Variants in GUCY1A2 observed in about 807,000 individuals in gnomAD.
The protein encoded by GUCY1A2 is guanylate cyclase soluble subunit alpha-2.
GUCY1A2 carries 27 observed loss-of-function variants against 63.5 expected under a neutral mutation model. That is an observed-to-expected ratio of 0.43 (90% CI 0.31 to 0.59). The LOEUF (loss-of-function observed/expected upper bound fraction) is 0.59. Among genes scored for constraint, GUCY1A2 ranks in the 20% least tolerant of loss-of-function variants. The probability of loss-of-function intolerance (pLI) is 0.11; values close to 1 mark genes in which losing one functional copy is unlikely to be tolerated. For missense variants in GUCY1A2, 768 were observed against 913.3 expected, an observed-to-expected ratio of 0.84 and a Z score of 2.05; for synonymous variants, 364 against 343.5, an observed-to-expected ratio of 1.06 and a Z score of -0.66.
chr11:106,919,585 G>T (rs1860414373), intron 4 of GUCY1A2, among the ~76,000 whole-genome samples: 1 of 151,988 alleles, frequency 6.6e-6, no homozygotes, highest in Non-Finnish European at 1.5e-5. Context: ...GACAATAAAG[G>T]CATGTGGACT....
At chr11:106,808,362 A>G (rs1858720132) in intron 5 of GUCY1A2, among the ~76,000 whole-genome samples, 1 of 152,122 alleles carries the variant, frequency 6.6e-6, no homozygotes, top group Admixed American at 6.6e-5. Flanking sequence ...TTAATAATAT[A>G]TAGGAAAATT....
chr11:106,966,400 G>T (rs1023701169), intron 3 of GUCY1A2, among the ~76,000 whole-genome samples: 2 of 152,010 alleles, frequency 1.3e-5, no homozygotes, highest in African/African-American at 4.8e-5. Flanking sequence ...GAGCCACCGC[G>T]CCCGGCCCCA....
chr11:106,935,976 C>T (rs1347690153), intron 4 of GUCY1A2, among the ~76,000 whole-genome samples: 1 of 151,770 alleles, frequency 6.6e-6, no homozygotes, highest in Non-Finnish European at 1.5e-5. Flanking sequence ...CATTAATTTC[C>T]AATGTATAAA....
intron 1 of GUCY1A2, among the ~76,000 whole-genome samples, chr11:107,008,945 G>A (rs531782179): frequency 2.0e-5 from 3 of 152,304 alleles, no homozygotes; most frequent in Admixed American, 6.5e-5. Context: ...GTAGACTCAC[G>A]CATAACAAAT....
chr11:106,805,608 C>T (rs564108045), intron 5 of GUCY1A2, among the ~76,000 whole-genome samples: 2 of 152,170 alleles, frequency 1.3e-5, no homozygotes, highest in East Asian at 3.9e-4. Context: ...AACTTTTATT[C>T]CACTTCACTG....
At chr11:106,706,298 T>A (rs1862909203) in intron 7 of GUCY1A2, among the ~76,000 whole-genome samples, 1 of 152,158 alleles carries the variant, frequency 6.6e-6, no homozygotes, top group South Asian at 2.1e-4. Context: ...CTTCATAAAT[T>A]ATATTTGTTC....
chr11:106,689,286 G>C (rs933052080), intron 7 of GUCY1A2, among the ~76,000 whole-genome samples: 1 of 151,808 alleles, frequency 6.6e-6, no homozygotes. Flanking sequence ...TTAAAAACTA[G>C]AGCTATAGTA....
intron 4 of GUCY1A2, among the ~76,000 whole-genome samples, chr11:106,885,353 C>T (rs1859884092): frequency 6.6e-6 from 1 of 152,086 alleles, no homozygotes; most frequent in African/African-American, 2.4e-5. Flanking sequence ...ATTAACTGAG[C>T]AGCACCACAC....
intron 5 of GUCY1A2, among the ~76,000 whole-genome samples, chr11:106,785,244 G>T (rs1387331138): frequency 1.3e-5 from 2 of 152,102 alleles, no homozygotes; most frequent in African/African-American, 2.4e-5. Flanking sequence ...AGGAGAAGAT[G>T]CAAAGAGAAA....
chr11:106,740,900 C>G (rs558419950), intron 6 of GUCY1A2, among the ~76,000 whole-genome samples: 1 of 152,012 alleles, frequency 6.6e-6, no homozygotes, highest in Non-Finnish European at 1.5e-5. Context: ...CTCGTACTCC[C>G]AACCTCAGGT....
intron 4 of GUCY1A2, among the ~76,000 whole-genome samples, chr11:106,903,601 T>TC (rs1205938482): frequency 6.6e-6 from 1 of 152,168 alleles, no homozygotes; most frequent in African/African-American, 2.4e-5. Flanking sequence ...GCTATCTGGT[T>TC]TCAAATTGCT....
chr11:106,996,014 G>C (rs1861530133), intron 1 of GUCY1A2, among the ~76,000 whole-genome samples: 1 of 152,090 alleles, frequency 6.6e-6, no homozygotes, highest in South Asian at 2.1e-4. Context: ...ATTTCTGCCT[G>C]ACAGTTAAAT....
chr11:106,780,298 A>G (rs528895718), intron 5 of GUCY1A2, among the ~76,000 whole-genome samples: 1 of 152,330 alleles, frequency 6.6e-6, no homozygotes, highest in Admixed American at 6.5e-5. Flanking sequence ...TGAAATTCTC[A>G]CAATTATTCA....
chr11:106,943,005 C>T (rs1195539733), intron 3 of GUCY1A2, among the ~76,000 whole-genome samples: 2 of 151,936 alleles, frequency 1.3e-5, no homozygotes, highest in African/African-American at 4.8e-5. Flanking sequence ...TCTATATAAA[C>T]CCATAATATT....
At chr11:106,800,371 A>C (rs34281823) in intron 5 of GUCY1A2, among the ~76,000 whole-genome samples, 4,848 of 152,302 alleles carry the variant, frequency 0.032, 257 homozygotes, top group African/African-American at 0.11. Context: ...CATTTGACCC[A>C]GCCATCCCAT....
intron 7 of GUCY1A2, among the ~76,000 whole-genome samples, chr11:106,701,368 C>T (rs989398568): frequency 2.0e-5 from 3 of 152,018 alleles, no homozygotes; most frequent in African/African-American, 7.2e-5. Flanking sequence ...AAATAATATC[C>T]TTCCTTTTTA....
intron 3 of GUCY1A2, among the ~76,000 whole-genome samples, chr11:106,953,729 C>A (rs1208529784): frequency 6.6e-6 from 1 of 152,022 alleles, no homozygotes. Context: ...AGGGATTCAA[C>A]TTCTTCCTGG....
chr11:106,881,591 C>T (rs976363671), intron 4 of GUCY1A2, among the ~76,000 whole-genome samples: 3 of 151,854 alleles, frequency 2.0e-5, no homozygotes, highest in Non-Finnish European at 4.4e-5. Context: ...AAAATGAATA[C>T]CAATTTACCG....
chr11:106,776,977 C>T (rs113893775), intron 5 of GUCY1A2, among the ~76,000 whole-genome samples: 9 of 152,218 alleles, frequency 5.9e-5, no homozygotes, highest in African/African-American at 2.2e-4. Context: ...CCAGTTTTTC[C>T]ACCTGAAGAA....
Sources: allele counts gnomAD v4.1 joint callset (sites outside exome capture counted in the v4.1 genomes callset), GRCh38; gene constraint gnomAD v4.1.1; transcripts MANE v1.5; gene names NCBI Gene and HGNC (gene_info 2026-07-23, HGNC 2026-07-21).